ZNF280D: variants seen among roughly 807,000 people sequenced by gnomAD.
ZNF280D encodes the protein suppressor of hairy wing homolog 4.
In ZNF280D, 39 loss-of-function variants were observed where a neutral mutation model predicts 94.7. That is an observed-to-expected ratio of 0.41 (90% confidence interval 0.32 to 0.54). The LOEUF (loss-of-function observed/expected upper bound fraction) is 0.54, where lower values mean the gene tolerates loss of function less well. Among genes scored for constraint, ZNF280D ranks in the 20% least tolerant of loss-of-function variants. ZNF280D has a pLI of 0.22. For missense variants in ZNF280D, 1,090 were observed against 1,149.3 expected, an observed-to-expected ratio of 0.95 and a Z score of 0.75; for synonymous variants, 398 against 377.6, an observed-to-expected ratio of 1.05 and a Z score of -0.63.
At chr15:56,694,306 C>T (rs981602536) in intron 6 of ZNF280D, among the ~76,000 whole-genome samples, 99 of 98,944 alleles carry the variant, frequency 1.0e-3, no homozygotes, top group African/African-American at 3.6e-3. Context: ...CACACACACA[C>T]ACACACACAC....
intron 20 of ZNF280D, among the ~76,000 whole-genome samples, chr15:56,641,881 T>C (rs1199893003): frequency 2.6e-5 from 4 of 151,708 alleles, no homozygotes; most frequent in Admixed American, 2.6e-4. Context: ...TTTAAAGTTT[T>C]TAATTGCCCT....
In ZNF280D at chr15:56,654,378, T is replaced by C. The variant is rs770634965; in HGVS notation, c.2176+7A>G. ...AAATCTAAAGTAGCACAGTTACATA[T>C]ACGTACCTTTCTGCATTACAACTTG... On this transcript the variant is annotated splice_region_variant and intron_variant, in intron 18 of 21. Transcript: ENST00000267807. 2.5e-6 allele frequency: 4 copies of C among 1,604,070 alleles called. No homozygotes were observed. Among genetic ancestry groups the C allele is most frequent in the Non-Finnish European group, 3.4e-6 (4 of 1,177,464 alleles).
chr15:56,686,958 A>AT (rs1322897228), intron 9 of ZNF280D, among the ~76,000 whole-genome samples: 3 of 151,994 alleles, frequency 2.0e-5, no homozygotes, highest in Non-Finnish European at 4.4e-5. Context: ...TATTTTAAAT[A>AT]TTTTTCCATT....
intron 7 of ZNF280D, among the ~76,000 whole-genome samples, chr15:56,690,408 A>G (rs2056358078): frequency 6.6e-6 from 1 of 152,114 alleles, no homozygotes; most frequent in African/African-American, 2.4e-5. Context: ...CAAAGGACAC[A>G]TAATGGAAGT....
intron 9 of ZNF280D, among the ~76,000 whole-genome samples, chr15:56,684,636 C>T (rs1333912794): frequency 6.6e-6 from 1 of 151,076 alleles, no homozygotes; most frequent in East Asian, 1.9e-4. Flanking sequence ...AAATCAGAGA[C>T]ATGAAGACAA....
intron 1 of ZNF280D, among the ~76,000 whole-genome samples, chr15:56,716,348 G>T (rs1339428083): frequency 6.6e-6 from 1 of 152,040 alleles, no homozygotes; most frequent in African/African-American, 2.4e-5. Flanking sequence ...AAAAAGAAAA[G>T]TGATAATTAA....
intron 3 of ZNF280D, among the ~76,000 whole-genome samples, chr15:56,705,209 C>A (rs1272001952): frequency 1.3e-5 from 2 of 152,118 alleles, no homozygotes; most frequent in Admixed American, 6.6e-5. Context: ...TTTCTCTAAA[C>A]TGTACTATTT....
Position 56,631,405 on chromosome 15 carries a change from T to C in ZNF280D, c.*93A>G. The stretch of plus-strand genomic sequence containing the variant: ...GTGTGACCTCCCTTACATATTTCCA[T>C]TTCTGAACCTACAACAGCACCACTG... On this transcript the variant is annotated 3_prime_UTR_variant, in exon 22 of 22. Coordinates refer to ENST00000267807, the MANE Select transcript of ZNF280D (RefSeq NM_017661.4). The C allele has an allele frequency of 3.6e-6, 5 of 1,376,632 alleles. No individual in the cohort carries two copies. The highest frequency in any genetic ancestry group is 5.0e-6 in the Non-Finnish European group (5 of 1,000,896). 85.3% of individuals were successfully genotyped at this position (1,376,632 alleles called of 1,614,324 possible). A position where few individuals can be genotyped will look rare whatever the true frequency, so the allele number is the denominator to read the frequency against.
At chr15:56,662,385 C>T (rs1243991708) in intron 16 of ZNF280D, among the ~76,000 whole-genome samples, 3 of 152,130 alleles carry the variant, frequency 2.0e-5, no homozygotes, top group Non-Finnish European at 2.9e-5. Flanking sequence ...TTTTTGAACA[C>T]CTTCTTCTGA....
At chr15:56,717,906 T>C (rs2058132926) in intron 1 of ZNF280D, among the ~76,000 whole-genome samples, 1 of 152,014 alleles carries the variant, frequency 6.6e-6, no homozygotes, top group African/African-American at 2.4e-5. Flanking sequence ...AACAAAACAA[T>C]TAGCAGTTAA....
chr15:56,646,320 C>T (rs1200927792), intron 19 of ZNF280D, among the ~76,000 whole-genome samples: 1 of 152,080 alleles, frequency 6.6e-6, no homozygotes, highest in Non-Finnish European at 1.5e-5. Flanking sequence ...CCAGCTCAGT[C>T]TCAGGAGGCT....
At chr15:56,647,238 G>C (rs577731895) in intron 19 of ZNF280D, among the ~76,000 whole-genome samples, 6 of 152,170 alleles carry the variant, frequency 3.9e-5, no homozygotes, top group Non-Finnish European at 7.3e-5. Context: ...ATGGAGAAAA[G>C]GTTGGTTTAG....
chr15:56,632,237 A>G (rs2052113667), intron 21 of ZNF280D, 115 bp from the exon 22 acceptor site: 1 of 1,014,080 alleles, frequency 9.9e-7, no homozygotes, highest in Non-Finnish European at 1.4e-6. Context: ...GCCCACCAAA[A>G]AGGAAAACAG....
intron 14 of ZNF280D, among the ~76,000 whole-genome samples, chr15:56,667,668 G>A (rs1010190902): frequency 1.3e-5 from 2 of 152,022 alleles, no homozygotes; most frequent in Non-Finnish European, 2.9e-5. Flanking sequence ...ACCCTCCTCC[G>A]GTATTTGAGG....
chr15:56,729,504 T>A (rs573112808), intron 1 of ZNF280D, among the ~76,000 whole-genome samples: 3 of 152,332 alleles, frequency 2.0e-5, no homozygotes, highest in Admixed American at 1.3e-4. Flanking sequence ...AATTTTAAAA[T>A]CCTTGCATAA....
intron 17 of ZNF280D, among the ~76,000 whole-genome samples, chr15:56,656,447 TG>T (rs1424507853): frequency 2.0e-5 from 3 of 152,150 alleles, no homozygotes; most frequent in African/African-American, 7.2e-5. Context: ...TTGACCACAA[TG>T]AGGTAAAAAT....
intron 21 of ZNF280D, among the ~76,000 whole-genome samples, chr15:56,634,650 T>G (rs2052261799): frequency 6.6e-6 from 1 of 152,104 alleles, no homozygotes; most frequent in South Asian, 2.1e-4. Flanking sequence ...TTACCCTTCT[T>G]TGGAATAAAG....
chr15:56,728,126 C>T (rs1455919504), intron 1 of ZNF280D, among the ~76,000 whole-genome samples: 2 of 151,916 alleles, frequency 1.3e-5, no homozygotes, highest in Admixed American at 1.3e-4. Context: ...AGACCTGAAG[C>T]GATCCTCCCA....
At chr15:56,699,671 C>CA (rs1262042831) in intron 6 of ZNF280D, 712 of 754,546 alleles carry the variant, frequency 9.4e-4, no homozygotes, top group South Asian at 1.3e-3. Flanking sequence ...CATGTAACAA[C>CA]AAAAAAAAAT....
Sources: gnomAD v4.1 joint callset for allele counts (sites outside exome capture counted in the v4.1 genomes callset) on GRCh38, gnomAD v4.1.1 for gene constraint, MANE v1.5 for transcripts, NCBI Gene and HGNC (gene_info 2026-07-23, HGNC 2026-07-21) for gene names.